Variants in LRP1B observed in about 807,000 individuals in gnomAD.
The protein encoded by LRP1B is low-density lipoprotein receptor-related protein 1B.
Under a neutral mutation model 556.6 loss-of-function variants are expected in LRP1B, and 217 were observed. That is an observed-to-expected ratio of 0.39 (90% confidence interval 0.35 to 0.44). LRP1B has a LOEUF of 0.44. Among genes scored for constraint, LRP1B ranks in the 20% least tolerant of loss-of-function variants. The pLI, the probability that LRP1B is intolerant of heterozygous loss-of-function variation, is 1.00. For missense variants in LRP1B, 5,053 were observed against 5,620.8 expected (o/e 0.90, Z 3.23); for synonymous variants, 2,047 against 1,865.8 (o/e 1.10, Z -2.50).
At chr2:141,455,398 C>T (rs890450344) in intron 3 of LRP1B, among the ~76,000 whole-genome samples, 4 of 152,162 alleles carry the variant, frequency 2.6e-5, no homozygotes, top group Non-Finnish European at 2.9e-5. Context: ...GCTTGCTCAG[C>T]GATCTGTATC....
At chr2:140,403,325 T>TTAA (rs1382363534) in intron 66 of LRP1B, among the ~76,000 whole-genome samples, 1 of 152,154 alleles carries the variant, frequency 6.6e-6, no homozygotes, top group African/African-American at 2.4e-5. Context: ...AGGTTGTTTA[T>TTAA]TAAGCTACCC....
intron 7 of LRP1B, among the ~76,000 whole-genome samples, chr2:141,145,376 ATATTCT>A (rs199694353): frequency 0.02 from 2,948 of 144,074 alleles, 87 homozygotes; most frequent in African/African-American, 0.076. Context: ...CACAGAAATG[ATATTCT>A]TATATTTCAT....
At chr2:141,631,272 A>G (rs1489881696) in intron 2 of LRP1B, among the ~76,000 whole-genome samples, 1 of 151,974 alleles carries the variant, frequency 6.6e-6, no homozygotes, top group African/African-American at 2.4e-5. Context: ...TGCTTCAATT[A>G]CCTCCCACTG....
intron 4 of LRP1B, among the ~76,000 whole-genome samples, chr2:141,253,980 T>G (rs925151117): frequency 2.0e-5 from 3 of 152,064 alleles, no homozygotes; most frequent in Admixed American, 6.6e-5. Flanking sequence ...CTAAAATTCT[T>G]CAGAATTCAT....
rs72987165 is a variant in LRP1B, at chr2:141,428,020, A to G, written c.343+52376T>C. On this transcript the variant is annotated intron_variant, in intron 3 of 90. Transcript: ENST00000389484. ...AAAATACCTCCCCACCAAAACAACA[A>G]CAGAAGCCCTCTGGATGTTATCCCT... Among the ~76,000 whole-genome samples the G allele has an allele frequency of 9.2e-3, 1,403 of 152,236 alleles. 23 individuals are homozygous for G. The highest frequency in any genetic ancestry group is 0.032 in the African/African-American group (1,325 of 41,546).
chr2:141,505,724 T>C (rs1479212364), intron 2 of LRP1B, among the ~76,000 whole-genome samples: 1 of 152,090 alleles, frequency 6.6e-6, no homozygotes, highest in Non-Finnish European at 1.5e-5. Flanking sequence ...AGTTTGTATT[T>C]GTTTTCTGAG....
chr2:141,934,735 G>A (rs919267780), intron 1 of LRP1B, among the ~76,000 whole-genome samples: 4 of 151,986 alleles, frequency 2.6e-5, no homozygotes, highest in African/African-American at 7.3e-5. Flanking sequence ...GTCCCCTTTC[G>A]CTCTGCACTT....
chr2:140,371,673 C>G (rs1253973026), intron 69 of LRP1B, among the ~76,000 whole-genome samples: 5 of 151,304 alleles, frequency 3.3e-5, no homozygotes, highest in African/African-American at 7.3e-5. Flanking sequence ...CAAATACTTT[C>G]AAAACTGTAA....
At chr2:141,270,444 G>A (rs1415718974) in intron 3 of LRP1B, among the ~76,000 whole-genome samples, 1 of 151,914 alleles carries the variant, frequency 6.6e-6, no homozygotes, top group African/African-American at 2.4e-5. Context: ...TTACTCAAAA[G>A]AATTCAAACT....
chr2:141,163,590 G>C (rs563625967), intron 7 of LRP1B, among the ~76,000 whole-genome samples: 1 of 152,106 alleles, frequency 6.6e-6, no homozygotes, highest in South Asian at 2.1e-4. Context: ...GGAGGGACTT[G>C]GTGGGAGATA....
chr2:141,606,205 T>G (rs1687913079), intron 2 of LRP1B, among the ~76,000 whole-genome samples: 1 of 145,052 alleles, frequency 6.9e-6, no homozygotes, highest in Non-Finnish European at 1.5e-5. Context: ...AAAAAGGTCA[T>G]ATGAATTTTC....
chr2:142,036,670 CAATT>C (rs147079532), intron 1 of LRP1B, among the ~76,000 whole-genome samples: 1,745 of 151,618 alleles, frequency 0.012, 23 homozygotes, highest in African/African-American at 0.032. Context: ...AAAATAATAA[CAATT>C]AAATTTAAAA....
At chr2:141,422,197 C>G (rs12691604) in intron 3 of LRP1B, among the ~76,000 whole-genome samples, 64,395 of 151,980 alleles carry the variant, frequency 0.42, 14,228 homozygotes, top group East Asian at 0.6. Context: ...GTTGGGCATA[C>G]ACCACTCATT....
At chr2:142,016,101 T>A (rs1703121674) in intron 1 of LRP1B, among the ~76,000 whole-genome samples, 2 of 151,052 alleles carry the variant, frequency 1.3e-5, no homozygotes, top group African/African-American at 2.4e-5. Flanking sequence ...CACTGGTCAT[T>A]AGAGAAATGC....
intron 43 of LRP1B, among the ~76,000 whole-genome samples, chr2:140,547,735 T>C (rs542004446): frequency 6.6e-6 from 1 of 152,278 alleles, no homozygotes; most frequent in South Asian, 2.1e-4. Flanking sequence ...ATGGGCCTTC[T>C]GCCTTACCAA....
intron 31 of LRP1B, among the ~76,000 whole-genome samples, chr2:140,819,232 C>T (rs915162563): frequency 6.6e-6 from 1 of 152,098 alleles, no homozygotes. Context: ...AGCTAAGGCT[C>T]TATTCTAAAG....
intron 3 of LRP1B, among the ~76,000 whole-genome samples, chr2:141,377,840 A>T (rs1014939898): frequency 2.6e-5 from 4 of 152,206 alleles, no homozygotes; most frequent in Non-Finnish European, 5.9e-5. Context: ...ATTTTAAAAA[A>T]TGTCTTCATA....
chr2:140,497,726 G>A (rs1425327753), intron 55 of LRP1B, among the ~76,000 whole-genome samples: 1 of 151,734 alleles, frequency 6.6e-6, no homozygotes, highest in African/African-American at 2.4e-5. Flanking sequence ...GAAACAAAGT[G>A]CATCACCATT....
At chr2:140,538,492 C>G (rs937854409) in intron 45 of LRP1B, among the ~76,000 whole-genome samples, 1 of 152,012 alleles carries the variant, frequency 6.6e-6, no homozygotes, top group Non-Finnish European at 1.5e-5. Context: ...TTTTCTGTTC[C>G]CGAGTCAATT....
Sources: gnomAD v4.1 joint callset for allele counts (sites outside exome capture counted in the v4.1 genomes callset) on GRCh38, gnomAD v4.1.1 for gene constraint, MANE v1.5 for transcripts, NCBI Gene and HGNC (gene_info 2026-07-23, HGNC 2026-07-21) for gene names.